Variants in WNK2 observed in about 807,000 individuals in gnomAD.
The protein encoded by WNK2 is serine/threonine-protein kinase WNK2.
In WNK2, 67 loss-of-function variants were observed where a neutral mutation model predicts 192.1. The ratio of observed to expected loss-of-function variants is 0.35; its 90% CI spans 0.29 to 0.43. The LOEUF (loss-of-function observed/expected upper bound fraction) is 0.43. WNK2 is among the 20% of genes least tolerant of loss of function. WNK2 has a pLI of 1.00. For synonymous variants in WNK2, 1,439 were observed against 1,393.9 expected (o/e 1.03, Z -0.72); for missense variants, 2,698 against 3,089.7 (o/e 0.87, Z 3.01).
chr9:93,260,921 G>A (rs1844122400), intron 12 of WNK2, among the ~76,000 whole-genome samples: 2 of 152,190 alleles, frequency 1.3e-5, no homozygotes, highest in Middle Eastern at 3.2e-3. Context: ...GCCTTTCTGG[G>A]CACAGTTAGT....
intron 28 of WNK2, among the ~76,000 whole-genome samples, chr9:93,310,442 C>CA (rs112280576): frequency 0.31 from 47,377 of 150,924 alleles, 7,569 homozygotes; most frequent in South Asian, 0.53. Context: ...TTTGTCATGG[C>CA]AAAAAAATAT....
chr9:93,197,448 C>G (rs1028427620), intron 2 of WNK2, among the ~76,000 whole-genome samples: 1 of 152,208 alleles, frequency 6.6e-6, no homozygotes, highest in African/African-American at 2.4e-5. Flanking sequence ...TTTATTATTA[C>G]TGTTCTTAAA....
At chr9:93,318,058 C>A in intron 29 of WNK2, 1 of 1,611,420 alleles carries the variant, frequency 6.2e-7, no homozygotes. Flanking sequence ...GTCTCCACAC[C>A]CACTTCCTAT....
intron 3 of WNK2, among the ~76,000 whole-genome samples, chr9:93,230,342 C>T (rs1033562371): frequency 2.0e-5 from 3 of 152,176 alleles, no homozygotes; most frequent in Non-Finnish European, 4.4e-5. Context: ...GGCAGGGCCT[C>T]AGTGCCCCTC....
At chr9:93,222,405 T>C (rs762815738) in intron 2 of WNK2, among the ~76,000 whole-genome samples, 8 of 152,132 alleles carry the variant, frequency 5.3e-5, no homozygotes, top group Non-Finnish European at 8.8e-5. Context: ...GATATTCAAG[T>C]TCAGGTTTTT....
At chr9:93,266,201 C>T (rs1011524805) in intron 16 of WNK2, among the ~76,000 whole-genome samples, 5 of 152,218 alleles carry the variant, frequency 3.3e-5, no homozygotes, top group South Asian at 2.1e-4. Flanking sequence ...AGCTTCTGCC[C>T]GCCCTGTGGA....
intron 2 of WNK2, among the ~76,000 whole-genome samples, chr9:93,198,066 A>G (rs993663712): frequency 7.9e-5 from 12 of 152,186 alleles, no homozygotes; most frequent in Non-Finnish European, 2.9e-5. Flanking sequence ...ACTAAGGAGG[A>G]AACTGAGGTA....
chr9:93,308,506 C>G lies in WNK2; in HGVS notation c.6438C>G (p.Leu2146=), dbSNP rs767565547. The change falls in exon 28 of 30, where the codon CTC becomes CTG. Residue 2146 remains leucine (L), a synonymous_variant. Coordinates refer to ENST00000427277, the MANE Select transcript of WNK2 (RefSeq NM_006648.4). ...TVGAAQLKPT[L]NQLKQTQKLQ... is the part of the protein sequence containing the mutation. ...GGGCCGCGCAGCTGAAGCCCACGCT[C>G]AACCAGCTGAAGCAGACCCAGAAGC... is the stretch of plus-strand genomic sequence containing the variant. The G allele has an allele frequency of 6.2e-7, 1 of 1,607,382 alleles. No homozygotes were observed. Among genetic ancestry groups the G allele is most frequent in the Non-Finnish European group, 8.5e-7 (1 of 1,177,636 alleles).
chr9:93,207,470 G>T (rs915081463), intron 2 of WNK2, among the ~76,000 whole-genome samples: 6 of 152,186 alleles, frequency 3.9e-5, no homozygotes, highest in African/African-American at 1.4e-4. Flanking sequence ...TCCAGTGCAC[G>T]CCCAGGGTGA....
chr9:93,190,493 G>A (rs1278350218), intron 2 of WNK2, among the ~76,000 whole-genome samples: 1 of 152,250 alleles, frequency 6.6e-6, no homozygotes, highest in Non-Finnish European at 1.5e-5. Flanking sequence ...GAGGACCCCA[G>A]CACTGGCTCA....
At chr9:93,211,242 T>TCATCCACTCATC (rs1834568732) in intron 2 of WNK2, among the ~76,000 whole-genome samples, 1 of 2,296 alleles carries the variant, frequency 4.4e-4, no homozygotes, top group Non-Finnish European at 9.2e-4. Flanking sequence ...ACTCACTCAT[T>TCATCCACTCATC]CACTCACTCA....
chr9:93,307,022 G>A, intron 27 of WNK2: 4 of 641,798 alleles, frequency 6.2e-6, no homozygotes, highest in Non-Finnish European at 8.3e-6. Flanking sequence ...TGTGTCTCGT[G>A]GCGCCTAGAG....
chr9:93,204,038 G>GGT (rs374667757), intron 2 of WNK2, among the ~76,000 whole-genome samples: 33 of 151,576 alleles, frequency 2.2e-4, no homozygotes, highest in East Asian at 1.7e-3. Flanking sequence ...AAGGCTGGCT[G>GGT]GTGTGTGTGT....
rs1396591991 is a variant in WNK2, at chr9:93,238,337, G to C, written c.1322+16G>C. ...AGGAGGAAAGGTGAGTTCCCCTGAA[G>C]GGCTGGGTTCTGGGGTCCATCTCCA... On this transcript the variant is annotated intron_variant, in intron 6 of 29. Transcript: ENST00000427277. The C allele has an allele frequency of 6.2e-7, 1 of 1,609,734 alleles. No individual in the cohort carries two copies. Among genetic ancestry groups the C allele is most frequent in the Non-Finnish European group, 8.5e-7 (1 of 1,176,114 alleles).
chr9:93,293,160 A>G lies in WNK2; in HGVS notation c.5695A>G (p.Ser1899Gly). The G allele has an allele frequency of 6.6e-7, 1 of 1,516,178 alleles. No homozygotes were observed. The allele number at this position is 1,516,178 out of a possible 1,614,324, so 93.9% of individuals were successfully genotyped here. A position where few individuals can be genotyped will look rare whatever the true frequency, so the allele number is the denominator to read the frequency against. ...TGCTGACATAAAGAAGGAGCTGCAG[A>G]GTCTGCGGGAGAAGTAGGTCCTGCG... ...EDADIKKELQ[S>G]LREKHLKEIS... The change falls in exon 23 of 30, where the codon AGT becomes GGT. Residue 1899 changes from serine (S) to glycine (G), a missense_variant. Physicochemically the swap from Ser to Gly is moderately conservative, Grantham distance 56. This residue lies in a region of WNK2 where 1,098 missense variants were observed against 1,101.0 expected (regional missense o/e 1.00). Coordinates refer to ENST00000427277, the MANE Select transcript of WNK2 (RefSeq NM_006648.4).
intron 2 of WNK2, among the ~76,000 whole-genome samples, chr9:93,192,402 G>T (rs1028073805): frequency 5.3e-5 from 8 of 152,240 alleles, no homozygotes; most frequent in African/African-American, 1.9e-4. Context: ...GTCCTCTGAG[G>T]GGGAGGGGGA....
At chr9:93,199,064 C>T (rs34020099) in intron 2 of WNK2, among the ~76,000 whole-genome samples, 24,844 of 152,210 alleles carry the variant, frequency 0.16, 2,107 homozygotes, top group South Asian at 0.22. Flanking sequence ...ACCCTGCATG[C>T]CTCCATGCTG....
At chr9:93,205,330 T>C (rs1448555041) in intron 2 of WNK2, among the ~76,000 whole-genome samples, 2 of 152,298 alleles carry the variant, frequency 1.3e-5, no homozygotes, top group East Asian at 3.9e-4. Context: ...GCACCAGCCT[T>C]CATGGGGAGT....
chr9:93,262,877 G>T (rs2133001863), intron 14 of WNK2, among the ~76,000 whole-genome samples, 158 bp downstream of exon 14: 1 of 152,364 alleles, frequency 6.6e-6, no homozygotes, highest in African/African-American at 2.4e-5. Context: ...GAGCCTCAGG[G>T]CCCTCCTCTC....
Sources: allele counts gnomAD v4.1 joint callset (sites outside exome capture counted in the v4.1 genomes callset), GRCh38; gene constraint gnomAD v4.1.1; regional missense constraint gnomAD v4.1.1; transcripts MANE v1.5; gene names NCBI Gene and HGNC (gene_info 2026-07-23, HGNC 2026-07-21).